NPAS3: variants seen among roughly 807,000 people sequenced by gnomAD.
The protein encoded by NPAS3 is neuronal PAS domain-containing protein 3.
A neutral mutation model predicts 73.1 loss-of-function variants in NPAS3; 14 were observed. That is an observed-to-expected ratio of 0.19 (90% confidence interval 0.13 to 0.30). NPAS3 has a LOEUF of 0.30. Among genes scored for constraint, NPAS3 ranks in the 10% least tolerant of loss-of-function variants. The probability of loss-of-function intolerance (pLI) is 1.00; values close to 1 mark genes in which losing one functional copy is unlikely to be tolerated. For missense variants in NPAS3, 1,096 were observed against 1,250.0 expected (o/e 0.88, Z 1.86); for synonymous variants, 620 against 541.5 (o/e 1.14, Z -2.01).
At chr14:33,363,437 G>C (rs2045695872) in intron 3 of NPAS3, among the ~76,000 whole-genome samples, 1 of 152,176 alleles carries the variant, frequency 6.6e-6, no homozygotes, top group Admixed American at 6.5e-5. Flanking sequence ...AAGGCCAAAT[G>C]CACAGTCTTA....
intron 7 of NPAS3, among the ~76,000 whole-genome samples, chr14:33,773,074 G>A (rs1344679718): frequency 6.6e-6 from 1 of 152,124 alleles, no homozygotes; most frequent in Non-Finnish European, 1.5e-5. Flanking sequence ...GGAAAACCAA[G>A]TAACTTAAAA....
At chr14:33,765,414 G>C (rs1205467242) in intron 7 of NPAS3, among the ~76,000 whole-genome samples, 1 of 152,094 alleles carries the variant, frequency 6.6e-6, no homozygotes, top group African/African-American at 2.4e-5. Context: ...AGCTCAGCCA[G>C]GGGCCGGCTG....
chr14:33,212,044 C>T lies in NPAS3; in HGVS notation c.141-3138C>T, dbSNP rs550301326. Reference sequence around the variant, plus strand: ...CACAATACTTTCGTTTAGAACAAAACGTACAAATACAAAGTTTATTTTGGG... The same window carrying T: ...CACAATACTTTCGTTTAGAACAAAATGTACAAATACAAAGTTTATTTTGGG... On this transcript the variant is annotated intron_variant, in intron 2 of 11. Coordinates refer to ENST00000356141, the Ensembl canonical transcript of NPAS3. 1.4e-3 allele frequency among the ~76,000 whole-genome samples: 215 copies of T among 152,276 alleles called. 2 individuals are homozygous for T. Among genetic ancestry groups the T allele is most frequent in the African/African-American group, 4.6e-3 (193 of 41,564 alleles).
intron 3 of NPAS3, among the ~76,000 whole-genome samples, chr14:33,358,514 A>G (rs1275457983): frequency 1.3e-5 from 2 of 152,090 alleles, no homozygotes; most frequent in Non-Finnish European, 2.9e-5. Context: ...TGGCCATGAT[A>G]GTGCACTGTT....
intron 2 of NPAS3, among the ~76,000 whole-genome samples, chr14:33,206,959 G>A (rs530166588): frequency 1.3e-5 from 2 of 152,120 alleles, no homozygotes; most frequent in South Asian, 2.1e-4. Context: ...GTGTGCTCAC[G>A]ACTCTTGTTG....
At chr14:33,328,452 T>C (rs868112923) in intron 3 of NPAS3, among the ~76,000 whole-genome samples, 29 of 12,396 alleles carry the variant, frequency 2.3e-3, no homozygotes, top group African/African-American at 0.012. Context: ...TTTTCTTTTT[T>C]TTTTTTTTTT....
At chr14:33,724,498 G>A (rs2061207886) in intron 6 of NPAS3, among the ~76,000 whole-genome samples, 1 of 152,038 alleles carries the variant, frequency 6.6e-6, no homozygotes, top group African/African-American at 2.4e-5. Flanking sequence ...GCCAGGCGTG[G>A]TGGCGCCCAC....
rs2062883483 is a variant in NPAS3, at chr14:33,778,368, T to C, written c.1047-98T>C. On this transcript the variant is annotated intron_variant, in intron 8 of 11. Transcript: ENST00000356141. ...TGCCACCTCCTCACGGGTACAGTAG[T>C]ATAATGAAATGTGTCAGTAGAACTG... The C allele has an allele frequency of 4.8e-6, 4 of 833,236 alleles. No individual in the cohort carries two copies. The Admixed American group carries it at 7.7e-5, about 16-fold the overall frequency. 51.6% of individuals were successfully genotyped at this position (833,236 alleles called of 1,614,324 possible). A position where few individuals can be genotyped will look rare whatever the true frequency, so the allele number is the denominator to read the frequency against.
Position 33,513,790 on chromosome 14 carries a change from A to T in NPAS3, c.469-46331A>T, listed in dbSNP as rs1272781608. Among the ~76,000 whole-genome samples the T allele has an allele frequency of 2.0e-5, 3 of 152,062 alleles. No homozygotes were observed. In the East Asian group the frequency reaches 5.8e-4, roughly 29 times the overall value. ...TTGCTGCAGAGTTTTTTTGACAAAGAAAAAGCTCACGCTCTGGATTTGTGG... is the reference window on the plus strand; with the variant it reads ...TTGCTGCAGAGTTTTTTTGACAAAGTAAAAGCTCACGCTCTGGATTTGTGG... On this transcript the variant is annotated intron_variant, in intron 4 of 11. Coordinates refer to ENST00000356141, the Ensembl canonical transcript of NPAS3.
At chr14:33,003,922 T>C (rs1467762869) in intron 1 of NPAS3, among the ~76,000 whole-genome samples, 1 of 152,076 alleles carries the variant, frequency 6.6e-6, no homozygotes, top group African/African-American at 2.4e-5. Flanking sequence ...ATAAGAAAGG[T>C]ATTGTAGTAA....
chr14:33,797,867 T>C (rs572867436), intron 11 of NPAS3, among the ~76,000 whole-genome samples: 2,151 of 150,930 alleles, frequency 0.014, 57 homozygotes, highest in African/African-American at 0.049. Flanking sequence ...TATATACATA[T>C]ATATATATAT....
intron 4 of NPAS3, among the ~76,000 whole-genome samples, chr14:33,514,266 C>T (rs1405564006): frequency 1.3e-5 from 2 of 151,986 alleles, no homozygotes; most frequent in Non-Finnish European, 2.9e-5. Flanking sequence ...TGCACATAGA[C>T]AGGGCAGCTT....
chr14:33,592,850 G>A (rs1567037336), intron 5 of NPAS3, among the ~76,000 whole-genome samples: 1 of 152,132 alleles, frequency 6.6e-6, no homozygotes, highest in Admixed American at 6.5e-5. Flanking sequence ...TCAAATATTA[G>A]AATGTATGCC....
intron 2 of NPAS3, among the ~76,000 whole-genome samples, chr14:33,109,189 C>G (rs1251689927): frequency 6.6e-6 from 1 of 152,130 alleles, no homozygotes; most frequent in Non-Finnish European, 1.5e-5. Context: ...AGAAGGGGTA[C>G]TTTCTAAACT....
intron 3 of NPAS3, among the ~76,000 whole-genome samples, chr14:33,252,862 G>T (rs1157676353): frequency 2.6e-5 from 4 of 151,768 alleles, no homozygotes; most frequent in Non-Finnish European, 4.4e-5. Flanking sequence ...CCATTGTTTG[G>T]CTCCTACTTA....
intron 2 of NPAS3, among the ~76,000 whole-genome samples, chr14:33,079,243 TTCTC>T (rs974572887): frequency 1.3e-5 from 2 of 152,082 alleles, no homozygotes; most frequent in Non-Finnish European, 2.9e-5. Flanking sequence ...GTAGAACTCT[TTCTC>T]TCTCTCTGTC....
At chr14:33,512,402 C>A (rs2053097032) in intron 4 of NPAS3, among the ~76,000 whole-genome samples, 1 of 151,972 alleles carries the variant, frequency 6.6e-6, no homozygotes, top group Non-Finnish European at 1.5e-5. Context: ...GTGTTCCCTG[C>A]TTTGATCTGA....
At chr14:33,574,159 A>G (rs1419026793) in intron 5 of NPAS3, among the ~76,000 whole-genome samples, 1 of 152,138 alleles carries the variant, frequency 6.6e-6, no homozygotes, top group Non-Finnish European at 1.5e-5. Context: ...GATTACCAAG[A>G]ACAACCTGCA....
chr14:33,023,213 A>C (rs1040417805), intron 1 of NPAS3, among the ~76,000 whole-genome samples: 1 of 152,212 alleles, frequency 6.6e-6, no homozygotes, highest in Non-Finnish European at 1.5e-5. Flanking sequence ...ACGGTTTGAC[A>C]AGAAGCAATC....
Sources: allele counts gnomAD v4.1 joint callset (sites outside exome capture counted in the v4.1 genomes callset), GRCh38; gene constraint gnomAD v4.1.1; transcripts MANE v1.5; gene names NCBI Gene and HGNC (gene_info 2026-07-23, HGNC 2026-07-21).